The following FSTL5 variants were observed in gnomAD, a reference collection of about 807,000 sequenced individuals.
FSTL5 encodes the protein follistatin like 5.
A neutral mutation model predicts 89.1 loss-of-function variants in FSTL5; 62 were observed. The ratio of observed to expected loss-of-function variants is 0.70; its 90% confidence interval spans 0.57 to 0.86. The LOEUF (loss-of-function observed/expected upper bound fraction) is 0.86, where lower values mean the gene tolerates loss of function less well. Ranked by LOEUF, FSTL5 falls within the 40% of genes least tolerant of loss-of-function variation. The probability of loss-of-function intolerance (pLI) is 0.00; values close to 1 mark genes in which losing one functional copy is unlikely to be tolerated. For synonymous variants in FSTL5, 383 were observed against 346.2 expected (o/e 1.11, Z -1.18); for missense variants, 1,057 against 1,001.6 (o/e 1.06, Z -0.75).
At chr4:161,821,337 C>T (rs921484260) in intron 4 of FSTL5, among the ~76,000 whole-genome samples, 1 of 152,126 alleles carries the variant, frequency 6.6e-6, no homozygotes, top group Non-Finnish European at 1.5e-5. Flanking sequence ...TGCACATGGC[C>T]AGAAACAGGT....
chr4:161,528,030 T>G (rs963096909), intron 10 of FSTL5, among the ~76,000 whole-genome samples: 1 of 150,380 alleles, frequency 6.6e-6, no homozygotes, highest in Admixed American at 6.6e-5. Context: ...TCACTCTCAG[T>G]AAACTATGGC....
rs757662628 is a variant in FSTL5 at position 161,920,525 on chromosome 4, G to A, written c.288C>T (p.His96=). The change falls in exon 4 of 16, where the codon CAC becomes CAT. Residue 96 remains histidine (H), a synonymous_variant. Coordinates refer to ENST00000306100, the MANE Select transcript of FSTL5 (RefSeq NM_020116.5). The stretch of plus-strand genomic sequence containing the variant: ...CGTCAGATCCACACACAGGTTTGTA[G>A]TGACGTTTGCAAAGGTCCATACAGG... ...ECACMDLCKR[H]YKPVCGSDGE... 4.3e-6 allele frequency: 7 copies of A among 1,613,886 alleles called. No homozygotes were observed. The highest frequency in any genetic ancestry group is 1.7e-5 in the Admixed American group (1 of 59,972).
intron 1 of FSTL5, among the ~76,000 whole-genome samples, chr4:162,153,797 G>GTGTGTATATA (rs1554004019): frequency 5.4e-5 from 7 of 128,712 alleles, no homozygotes; most frequent in African/African-American, 2.1e-4. Context: ...ATATGTATAT[G>GTGTGTATATA]TATATATATA....
chr4:162,019,399 T>C lies in FSTL5; in HGVS notation c.160+14226A>G, dbSNP rs995405752. On this transcript the variant is annotated intron_variant, in intron 3 of 15. Coordinates refer to ENST00000306100, the MANE Select transcript of FSTL5 (RefSeq NM_020116.5). ...AATGTAAAAAATTAACATTAGTCTA[T>C]GCTACATTGTTTTTCTGGATTATAC... Among the ~76,000 whole-genome samples, 13 of 152,064 alleles carry C rather than the reference T, an allele frequency of 8.5e-5. No homozygotes were observed. The East Asian group carries it at 1.2e-3, about 14-fold the overall frequency.
chr4:161,731,908 C>T (rs1477591299), intron 6 of FSTL5, among the ~76,000 whole-genome samples: 2 of 152,060 alleles, frequency 1.3e-5, no homozygotes, highest in East Asian at 3.9e-4. Context: ...AGCTGGGGAA[C>T]ATTTGAGCTA....
intron 8 of FSTL5, among the ~76,000 whole-genome samples, chr4:161,562,365 G>T (rs1732636513): frequency 6.6e-6 from 1 of 151,932 alleles, no homozygotes; most frequent in Admixed American, 6.6e-5. Context: ...ATTTCTGACA[G>T]CTGTGATTTT....
At chr4:161,981,302 T>C (rs943638781) in intron 3 of FSTL5, among the ~76,000 whole-genome samples, 2 of 152,002 alleles carry the variant, frequency 1.3e-5, no homozygotes, top group Non-Finnish European at 2.9e-5. Context: ...AGAAGTTAGA[T>C]CCATTAAAAG....
chr4:161,905,612 A>G (rs972919545), intron 4 of FSTL5, among the ~76,000 whole-genome samples: 2 of 152,170 alleles, frequency 1.3e-5, no homozygotes, highest in African/African-American at 4.8e-5. Context: ...CAAGTAGGTA[A>G]GAATGAAGAG....
At position 161,775,930 on chromosome 4, in the gene FSTL5, T is replaced by A. The variant is rs1424807230; in HGVS notation, c.554A>T (p.Lys185Ile). 7 of 1,605,152 alleles carry A rather than the reference T, an allele frequency of 4.4e-6. No homozygotes were observed. Among genetic ancestry groups the A allele is most frequent in the East Asian group, 2.2e-5 (1 of 44,504 alleles). ...RKKLLVDQMF[K>I]YFDADSNGLV... ...TCCATTACTGTCTGCATCAAAATAT[T>A]TAAACATTTGATCCACCAATAGCTT... Residue 185 changes from lysine (K) to isoleucine (I), a missense_variant, in exon 5 of 16, where the codon AAA (lysine) becomes ATA (isoleucine). Lys to Ile is a moderately radical substitution (Grantham distance 102, BLOSUM62 -3). Coordinates refer to ENST00000306100, the MANE Select transcript of FSTL5 (RefSeq NM_020116.5).
chr4:161,882,402 C>G (rs1226995805), intron 4 of FSTL5, among the ~76,000 whole-genome samples: 4 of 152,130 alleles, frequency 2.6e-5, no homozygotes, highest in Admixed American at 2.6e-4. Flanking sequence ...GAAACTTCAT[C>G]TGTTGTACCA....
chr4:161,504,721 C>T (rs115145321), intron 11 of FSTL5, among the ~76,000 whole-genome samples: 1,559 of 151,952 alleles, frequency 0.01, 23 homozygotes, highest in African/African-American at 0.035. Flanking sequence ...ATATTGTACC[C>T]TTAAATACAT....
chr4:161,842,685 T>C (rs1325546022), intron 4 of FSTL5, among the ~76,000 whole-genome samples: 1 of 152,124 alleles, frequency 6.6e-6, no homozygotes, highest in Non-Finnish European at 1.5e-5. Flanking sequence ...ATCTGCTTTA[T>C]TGATTTTTGG....
At chr4:161,401,053 AATTTAGTGACTGAACTTTAG>A (rs1251919204) in intron 15 of FSTL5, among the ~76,000 whole-genome samples, 1 of 152,132 alleles carries the variant, frequency 6.6e-6, no homozygotes, top group Non-Finnish European at 1.5e-5. Context: ...TATCATGTGC[AATTTAGTGACTGAACTTTAG>A]AATTTAACAT....
rs535700067 is a variant in FSTL5 at position 162,160,592 on chromosome 4, T to A, written c.-17+3023A>T. ...ATACTATGTCAATTTTGGGCAAATA[T>A]GAAGAACTAATAGAAAGATGTCATT... is the stretch of plus-strand genomic sequence containing the variant. On this transcript the variant is annotated intron_variant, in intron 1 of 15. Transcript: ENST00000306100. 7.2e-5 allele frequency among the ~76,000 whole-genome samples: 11 copies of A among 151,882 alleles called. No homozygotes were observed. In the East Asian group the frequency reaches 1.9e-3, roughly 27 times the overall value.
rs145835055 is a variant in FSTL5 at position 161,565,742 on chromosome 4, G to GACACACACACACAC, written c.1015+21699_1015+21712dup. Among the ~76,000 whole-genome samples the GACACACACACACAC allele has an allele frequency of 5.3e-3, 712 of 133,640 alleles. 6 individuals carry two copies. The highest frequency in any genetic ancestry group is 9.8e-3 in the African/African-American group (347 of 35,530). 87.7% of individuals were successfully genotyped at this position (133,640 alleles called of 152,430 possible). Reference sequence around the variant, plus strand: ...TTCTTGTGAACGTAGTATAACTTGAGACACACACACACACACACACACACA... The same window carrying GACACACACACACAC: ...TTCTTGTGAACGTAGTATAACTTGAGACACACACACACACACACACACACACACACACACACACA... On this transcript the variant is annotated intron_variant, in intron 8 of 15. Transcript: ENST00000306100.
At chr4:162,073,700 G>A (rs1729718997) in intron 2 of FSTL5, among the ~76,000 whole-genome samples, 1 of 151,648 alleles carries the variant, frequency 6.6e-6, no homozygotes, top group Admixed American at 6.6e-5. Context: ...TATTTAATTG[G>A]TAGGGAAATT....
intron 7 of FSTL5, among the ~76,000 whole-genome samples, chr4:161,620,378 G>C (rs1035482305): frequency 6.6e-6 from 1 of 152,136 alleles, no homozygotes; most frequent in Non-Finnish European, 1.5e-5. Context: ...ACAGAGGCCA[G>C]GAGCAGTGGC....
chr4:161,955,368 AC>A (rs775326553), intron 3 of FSTL5, among the ~76,000 whole-genome samples: 10 of 151,690 alleles, frequency 6.6e-5, no homozygotes, highest in African/African-American at 9.7e-5. Context: ...CAAATAAATA[AC>A]AAAAGAATAA....
At chr4:161,440,685 G>T (rs1368032221) in intron 15 of FSTL5, among the ~76,000 whole-genome samples, 1 of 152,028 alleles carries the variant, frequency 6.6e-6, no homozygotes, top group Non-Finnish European at 1.5e-5. Context: ...ACATCTCAAT[G>T]ACTTCTTATT....
Sources: gnomAD v4.1 joint callset for allele counts (sites outside exome capture counted in the v4.1 genomes callset) on GRCh38, gnomAD v4.1.1 for gene constraint, MANE v1.5 for transcripts, NCBI Gene and HGNC (gene_info 2026-07-23, HGNC 2026-07-21) for gene names.